The following PCBP3 variants were observed in gnomAD, a reference collection of about 807,000 sequenced individuals.
PCBP3 encodes poly(rC) binding protein 3.
In PCBP3, 25 loss-of-function variants were observed where a neutral mutation model predicts 52.7. The observed-to-expected ratio is 0.47, with a 90% confidence interval of 0.35 to 0.66. The LOEUF (loss-of-function observed/expected upper bound fraction) is 0.66. PCBP3 is among the 30% of genes least tolerant of loss of function. The pLI, the probability that PCBP3 is intolerant of heterozygous loss-of-function variation, is 0.01. For missense variants in PCBP3, 391 were observed against 490.3 expected (o/e 0.80, Z 1.91); for synonymous variants, 162 against 183.0 (o/e 0.89, Z 0.93).
chr21:45,912,626 G>T (rs1350342232), intron 11 of PCBP3, among the ~76,000 whole-genome samples: 3 of 152,086 alleles, frequency 2.0e-5, no homozygotes, highest in Non-Finnish European at 4.4e-5. Flanking sequence ...GGAGGCTCAT[G>T]CAGTCCCAGG....
At chr21:45,644,958 T>G (rs2079159678) in intron 1 of PCBP3, among the ~76,000 whole-genome samples, 1 of 152,256 alleles carries the variant, frequency 6.6e-6, no homozygotes, top group African/African-American at 2.4e-5. Context: ...GGTGCTTCCC[T>G]ATTTAAGAGA....
chr21:45,914,527 G>A lies in PCBP3; in HGVS notation c.675+502G>A, dbSNP rs1000787759. Reference sequence around the variant, plus strand: ...ACCGGGCGTCTGTGCCGCTGTGTCCGGACCTCCGTCTGCTGTGAGCAGGGG... The same window carrying A: ...ACCGGGCGTCTGTGCCGCTGTGTCCAGACCTCCGTCTGCTGTGAGCAGGGG... On this transcript the variant is annotated intron_variant, in intron 12 of 17. Coordinates refer to ENST00000681687, the MANE Select transcript of PCBP3 (RefSeq NM_001384156.1). 24 of 187,076 alleles carry A rather than the reference G, an allele frequency of 1.3e-4. 1 individual carries two copies. Among genetic ancestry groups the A allele is most frequent in the Admixed American group, 3.1e-4 (5 of 16,352 alleles). 11.6% of individuals were successfully genotyped at this position (187,076 alleles called of 1,614,324 possible).
At chr21:45,699,563 C>T (rs1291774063) in intron 2 of PCBP3, among the ~76,000 whole-genome samples, 1 of 152,180 alleles carries the variant, frequency 6.6e-6, no homozygotes, top group East Asian at 1.9e-4. Context: ...AGTCTGTTCT[C>T]ACACTGCTAA....
intron 2 of PCBP3, among the ~76,000 whole-genome samples, chr21:45,714,899 C>T (rs1174141837): frequency 6.6e-6 from 1 of 152,168 alleles, no homozygotes; most frequent in African/African-American, 2.4e-5. Context: ...CAGGCATTTG[C>T]TCTAGAAGAA....
At chr21:45,811,618 CTT>C (rs1325896574) in intron 4 of PCBP3, among the ~76,000 whole-genome samples, 1 of 152,242 alleles carries the variant, frequency 6.6e-6, no homozygotes, top group Admixed American at 6.5e-5. Context: ...AAACATTTCC[CTT>C]TCTACCTGCT....
At chr21:45,818,652 G>A (rs1474558154) in intron 4 of PCBP3, among the ~76,000 whole-genome samples, 1 of 152,218 alleles carries the variant, frequency 6.6e-6, no homozygotes, top group Admixed American at 6.5e-5. Flanking sequence ...TATTAGTCAT[G>A]CTCCTTGGTA....
intron 1 of PCBP3, among the ~76,000 whole-genome samples, chr21:45,653,151 G>A (rs1395384485): frequency 6.6e-6 from 1 of 152,042 alleles, no homozygotes; most frequent in African/African-American, 2.4e-5. Context: ...ATGCTGATTT[G>A]CCTTGTAGCC....
At chr21:45,778,137 C>T (rs1654975291) in intron 4 of PCBP3, among the ~76,000 whole-genome samples, 1 of 152,112 alleles carries the variant, frequency 6.6e-6, no homozygotes, top group Non-Finnish European at 1.5e-5. Flanking sequence ...GGGTTTGATT[C>T]TGGGTGCATG....
chr21:45,822,888 A>C (rs1482938613), intron 4 of PCBP3, among the ~76,000 whole-genome samples: 3 of 152,128 alleles, frequency 2.0e-5, no homozygotes, highest in Non-Finnish European at 4.4e-5. Context: ...AGGGGCTATG[A>C]GTTTGAGGAG....
intron 8 of PCBP3, 136 bp from the exon 9 acceptor site, chr21:45,900,861 T>C (rs1397709259): frequency 1.4e-6 from 1 of 730,646 alleles, no homozygotes; most frequent in Non-Finnish European, 2.5e-6. Context: ...TTGAGAAGCA[T>C]TTTACTGTTC....
In PCBP3 at chr21:45,821,573, C is replaced by G. The variant is rs978335525; in HGVS notation, c.-125-28388C>G. 1.3e-5 allele frequency among the ~76,000 whole-genome samples: 2 copies of G among 152,146 alleles called. No homozygotes were observed. The highest frequency in any genetic ancestry group is 6.6e-5 in the Admixed American group (1 of 15,258). On this transcript the variant is annotated intron_variant, in intron 4 of 17. Coordinates refer to ENST00000681687, the MANE Select transcript of PCBP3 (RefSeq NM_001384156.1). This position sits in a 1 kb window ranked among gnomAD's most constrained non-coding sequence, Gnocchi z 4.4. ...ACCCTGCTGTGGGCCCCGCCCCCTC[C>G]CCTAACTCATTTCTAGAACTCTCTT... is the stretch of plus-strand genomic sequence containing the variant.
Position 45,713,360 on chromosome 21 carries a change from C to T in PCBP3, c.-199-22032C>T, listed in dbSNP as rs137979948. On this transcript the variant is annotated intron_variant, in intron 2 of 17. Transcript: ENST00000681687. ...TAGTTGGTTTATGCTCCAGACAAACCGGGATGAGCCGCTGGCCTTGCTCTT... is the reference window on the plus strand; with the variant it reads ...TAGTTGGTTTATGCTCCAGACAAACTGGGATGAGCCGCTGGCCTTGCTCTT... Among the ~76,000 whole-genome samples, 205 of 152,264 alleles carry T rather than the reference C, an allele frequency of 1.3e-3. 1 individual carries two copies. Among genetic ancestry groups the T allele is most frequent in the African/African-American group, 4.5e-3 (185 of 41,560 alleles).
chr21:45,886,373 C>A (rs111559302), intron 5 of PCBP3, among the ~76,000 whole-genome samples: 1 of 122,178 alleles, frequency 8.2e-6, no homozygotes, highest in Non-Finnish European at 1.6e-5. Flanking sequence ...GCCTCATTGC[C>A]GCGGGTGCCA....
In PCBP3 at chr21:45,788,032, G is replaced by A. The variant is rs186867560; in HGVS notation, c.-126+32580G>A. Among the ~76,000 whole-genome samples, 23 of 152,272 alleles carry A rather than the reference G, an allele frequency of 1.5e-4. No homozygotes were observed. Among genetic ancestry groups the A allele is most frequent in the Admixed American group, 1.5e-3 (23 of 15,300 alleles). The stretch of plus-strand genomic sequence containing the variant: ...ATGGGGGCACCTACAGTTGCAAGGT[G>A]GGCACCAGTTGTCAGGAGTTGACAG... On this transcript the variant is annotated intron_variant, in intron 4 of 17. Transcript: ENST00000681687. The surrounding 1 kb of genome is among the most constrained non-coding windows in gnomAD (Gnocchi z 4.3).
intron 4 of PCBP3, among the ~76,000 whole-genome samples, chr21:45,815,951 GTGAGTGGTGAGTAGTGAGTGA>G (rs1176969904): frequency 1.8e-5 from 2 of 113,964 alleles, no homozygotes; most frequent in Non-Finnish European, 1.8e-5. Flanking sequence ...TGAGTGATGA[GTGAGTGGTGAGTAGTGAGTGA>G]TGAGTGGTGA....
intron 4 of PCBP3, among the ~76,000 whole-genome samples, chr21:45,822,571 G>C: frequency 6.6e-6 from 1 of 151,898 alleles, no homozygotes; most frequent in African/African-American, 2.4e-5. Flanking sequence ...CCTGGCATGG[G>C]ACAGGATTAG....
intron 4 of PCBP3, among the ~76,000 whole-genome samples, chr21:45,778,944 G>A (rs1029440342): frequency 1.3e-5 from 2 of 152,148 alleles, no homozygotes; most frequent in Non-Finnish European, 2.9e-5. Flanking sequence ...AGCCTGGGTT[G>A]ATGGATAGGG....
intron 9 of PCBP3, among the ~76,000 whole-genome samples, chr21:45,907,626 C>A (rs1438772569): frequency 6.6e-6 from 1 of 152,152 alleles, no homozygotes; most frequent in Non-Finnish European, 1.5e-5. Flanking sequence ...TCATGTGCAA[C>A]CAAAAGAATT....
At chr21:45,897,142 C>T (rs1438638889) in intron 6 of PCBP3, among the ~76,000 whole-genome samples, 1 of 152,248 alleles carries the variant, frequency 6.6e-6, no homozygotes, top group Non-Finnish European at 1.5e-5. Flanking sequence ...GTTATAGGTA[C>T]AGCCCCTTTG....
Sources: allele counts gnomAD v4.1 joint callset (sites outside exome capture counted in the v4.1 genomes callset), GRCh38; gene constraint gnomAD v4.1.1; non-coding constraint Gnocchi (gnomAD v3.1); transcripts MANE v1.5; gene names NCBI Gene and HGNC (gene_info 2026-07-23, HGNC 2026-07-21).